CTNNA1: variants seen among roughly 807,000 people sequenced by gnomAD.
CTNNA1 encodes the protein catenin alpha 1, also known as catenin alpha-1.
A neutral mutation model predicts 98.4 loss-of-function variants in CTNNA1; 37 were observed. That is an observed-to-expected ratio of 0.38 (90% confidence interval 0.29 to 0.49). CTNNA1 has a LOEUF of 0.49. CTNNA1 is among the 20% of genes least tolerant of loss of function. CTNNA1 has a pLI of 0.95. For synonymous variants in CTNNA1, 404 were observed against 413.2 expected (o/e 0.98, Z 0.27); for missense variants, 761 against 1,147.2 (o/e 0.66, Z 4.86).
chr5:138,841,247 A>G (rs1043280034), intron 7 of CTNNA1, among the ~76,000 whole-genome samples: 9 of 152,046 alleles, frequency 5.9e-5, no homozygotes, highest in African/African-American at 1.4e-4. Context: ...TGTTGTATGT[A>G]TATATGTATG....
intron 5 of CTNNA1, among the ~76,000 whole-genome samples, chr5:138,816,171 T>TA (rs1340384283): frequency 6.6e-6 from 1 of 152,238 alleles, no homozygotes; most frequent in Admixed American, 6.5e-5. Flanking sequence ...TTATTTGACT[T>TA]ACCATAGTGT....
At chr5:138,840,377 T>A (rs1206709796) in intron 7 of CTNNA1, among the ~76,000 whole-genome samples, 1 of 152,158 alleles carries the variant, frequency 6.6e-6, no homozygotes, top group African/African-American at 2.4e-5. Flanking sequence ...AGCTGACAGG[T>A]CTCTCCCTCT....
chr5:138,766,582 G>T (rs944254675), intron 1 of CTNNA1, among the ~76,000 whole-genome samples: 2 of 152,058 alleles, frequency 1.3e-5, no homozygotes, highest in Admixed American at 1.3e-4. Flanking sequence ...GCAGGAAGGG[G>T]GTTAGTAGGG....
chr5:138,851,940 C>G (rs983328736), intron 7 of CTNNA1, among the ~76,000 whole-genome samples: 3 of 149,904 alleles, frequency 2.0e-5, no homozygotes, highest in African/African-American at 7.4e-5. Context: ...CATGATGGCG[C>G]GTGCCTGTAA....
In CTNNA1 at chr5:138,764,868, C is replaced by CTTTTTT. The variant is rs35354499; in HGVS notation, c.-3+11375_-3+11380dup. Reference sequence around the variant, plus strand: ...AAGCAGTAATTTGCTGTATCTCTCTCTTTTTTTTTTTTTTTTTTTTTTGAG... The same window carrying CTTTTTT: ...AAGCAGTAATTTGCTGTATCTCTCTCTTTTTTTTTTTTTTTTTTTTTTTTTTTTGAG... On this transcript the variant is annotated intron_variant, in intron 1 of 17. Transcript: ENST00000302763. Among the ~76,000 whole-genome samples the CTTTTTT allele has an allele frequency of 1.8e-3, 152 of 84,910 alleles. 3 individuals are homozygous for CTTTTTT. Among genetic ancestry groups the CTTTTTT allele is most frequent in the East Asian group, 4.9e-3 (12 of 2,428 alleles). 55.7% of individuals were successfully genotyped at this position (84,910 alleles called of 152,430 possible).
intron 1 of CTNNA1, among the ~76,000 whole-genome samples, chr5:138,774,782 C>G (rs1342835646): frequency 6.6e-6 from 1 of 152,112 alleles, no homozygotes; most frequent in Non-Finnish European, 1.5e-5. Flanking sequence ...CCACCGCACC[C>G]AGCTAATTTT....
intron 7 of CTNNA1, among the ~76,000 whole-genome samples, chr5:138,857,847 A>G (rs547060054): frequency 2.6e-5 from 4 of 152,352 alleles, no homozygotes; most frequent in African/African-American, 7.2e-5. Flanking sequence ...TTAATAGTAT[A>G]TTAGATTGAC....
At chr5:138,904,236 C>G in intron 9 of CTNNA1, 113 bp from the exon 10 acceptor site, 2 of 1,318,796 alleles carry the variant, frequency 1.5e-6, no homozygotes, top group Non-Finnish European at 1.0e-6. Context: ...AGGGAGGCAC[C>G]CTTGGTGCCC....
intron 1 of CTNNA1, among the ~76,000 whole-genome samples, chr5:138,771,570 G>A (rs1198731788): frequency 6.6e-6 from 1 of 151,682 alleles, no homozygotes; most frequent in Non-Finnish European, 1.5e-5. Flanking sequence ...AGTTGTTTTT[G>A]TAGAGACGAG....
intron 3 of CTNNA1, among the ~76,000 whole-genome samples, chr5:138,787,286 C>T (rs1031183887): frequency 1.3e-5 from 2 of 152,060 alleles, no homozygotes; most frequent in Admixed American, 6.6e-5. Flanking sequence ...AAAAATTAGC[C>T]GGGCGTGTTG....
At chr5:138,893,787 G>A (rs936255075) in intron 9 of CTNNA1, among the ~76,000 whole-genome samples, 1 of 151,500 alleles carries the variant, frequency 6.6e-6, no homozygotes, top group Non-Finnish European at 1.5e-5. Context: ...CCACGCCCAC[G>A]TAATTTTTGT....
intron 3 of CTNNA1, among the ~76,000 whole-genome samples, chr5:138,787,291 G>C (rs1192163721): frequency 1.3e-5 from 2 of 152,168 alleles, no homozygotes; most frequent in Non-Finnish European, 2.9e-5. Context: ...TTAGCCGGGC[G>C]TGTTGGTGGG....
intron 1 of CTNNA1, among the ~76,000 whole-genome samples, chr5:138,776,795 G>A (rs1190916448): frequency 1.4e-5 from 2 of 143,554 alleles, no homozygotes; most frequent in Admixed American, 6.8e-5. Flanking sequence ...CTGGCCAGGC[G>A]GGGGGCTGAC....
At chr5:138,801,279 T>A (rs1757548298) in intron 3 of CTNNA1, among the ~76,000 whole-genome samples, 2 of 152,244 alleles carry the variant, frequency 1.3e-5, no homozygotes, top group Non-Finnish European at 2.9e-5. Flanking sequence ...TGTGTTTGTG[T>A]GCATAAGTTT....
intron 7 of CTNNA1, chr5:138,875,581 G>T: frequency 2.0e-6 from 2 of 985,462 alleles, no homozygotes; most frequent in Non-Finnish European, 2.4e-6. Context: ...CTGCATTCAA[G>T]AAGACCCATC....
intron 9 of CTNNA1, among the ~76,000 whole-genome samples, chr5:138,903,010 GTC>G (rs1484150873): frequency 1.3e-5 from 2 of 152,144 alleles, no homozygotes; most frequent in African/African-American, 4.8e-5. Flanking sequence ...GAAAAGAAAT[GTC>G]TCTCTGCTTG....
chr5:138,810,342 A>G, intron 4 of CTNNA1, 138 bp downstream of exon 4: 3 of 867,398 alleles, frequency 3.5e-6, no homozygotes. Context: ...GTTTTTGTTT[A>G]ATTTCCACTT....
In CTNNA1 at chr5:138,754,921, C is replaced by CG. The variant is rs1423508137; in HGVS notation, c.-3+1411_-3+1412insG. On this transcript the variant is annotated intron_variant, in intron 1 of 17. Transcript: ENST00000302763. The stretch of plus-strand genomic sequence containing the variant: ...TACAGGCACGCGCCACCACATCCGT[C>CG]TAATTTTTGTATTTTTGGTAGAGAT... 6 of 152,246 alleles carry CG rather than the reference C, an allele frequency of 3.9e-5. No individual in the cohort carries two copies. In the East Asian group the frequency reaches 1.2e-3, roughly 29 times the overall value. The allele number at this position is 152,246 out of a possible 1,614,324, so 9.4% of individuals were successfully genotyped here. A position where few individuals can be genotyped will look rare whatever the true frequency, so the allele number is the denominator to read the frequency against.
At chr5:138,930,988 A>T in intron 16 of CTNNA1, 53 bp downstream of exon 16, 1 of 1,186,806 alleles carries the variant, frequency 8.4e-7, no homozygotes, top group South Asian at 1.2e-5. Flanking sequence ...GGGCTCAGGC[A>T]GCCCAGCCTG....
Sources: gnomAD v4.1 joint callset for allele counts (sites outside exome capture counted in the v4.1 genomes callset) on GRCh38, gnomAD v4.1.1 for gene constraint, MANE v1.5 for transcripts, NCBI Gene and HGNC (gene_info 2026-07-23, HGNC 2026-07-21) for gene names.